Variants in DNAH11 observed in about 807,000 individuals in gnomAD.
DNAH11 encodes the protein dynein axonemal heavy chain 11.
In DNAH11, 442 loss-of-function variants were observed where a neutral mutation model predicts 526.0. The ratio of observed to expected loss-of-function variants is 0.84; its 90% confidence interval spans 0.78 to 0.91. DNAH11 has a LOEUF of 0.91. Among genes scored for constraint, DNAH11 ranks in the 40% least tolerant of loss-of-function variants. The pLI, the probability that DNAH11 is intolerant of heterozygous loss-of-function variation, is 0.00. For synonymous variants in DNAH11, 2,461 were observed against 1,935.9 expected (o/e 1.27, Z -7.12); for missense variants, 6,989 against 5,448.7 (o/e 1.28, Z -8.90).
chr7:21,567,660 C>G (rs954248836), intron 6 of DNAH11, among the ~76,000 whole-genome samples: 1 of 152,072 alleles, frequency 6.6e-6, no homozygotes, highest in Non-Finnish European at 1.5e-5. Flanking sequence ...TGTTCACTGT[C>G]CTTTCTGATC....
intron 45 of DNAH11, among the ~76,000 whole-genome samples, chr7:21,729,704 A>G (rs1785288873): frequency 1.8e-5 from 1 of 54,264 alleles, no homozygotes; most frequent in African/African-American, 5.7e-5. Context: ...GTCAAGTAAC[A>G]CTGAGGTCTC....
At chr7:21,751,550 G>C (rs145643845) in intron 54 of DNAH11, among the ~76,000 whole-genome samples, 3 of 152,272 alleles carry the variant, frequency 2.0e-5, no homozygotes, top group East Asian at 3.9e-4. Context: ...TGGAAACTAG[G>C]AAAGCTGCTA....
At chr7:21,634,902 G>A (rs978128426) in intron 25 of DNAH11, among the ~76,000 whole-genome samples, 175 of 152,248 alleles carry the variant, frequency 1.1e-3, no homozygotes, top group African/African-American at 4.1e-3. Context: ...TGATAGAAGC[G>A]TTTCAGACAT....
intron 49 of DNAH11, among the ~76,000 whole-genome samples, chr7:21,742,533 T>C (rs2965358): frequency 0.057 from 8,678 of 152,164 alleles, 335 homozygotes; most frequent in African/African-American, 0.11. Context: ...GTGCTAACCA[T>C]TGATGAAGGA....
chr7:21,807,003 A>G (rs1402889708), intron 62 of DNAH11, among the ~76,000 whole-genome samples: 1 of 152,186 alleles, frequency 6.6e-6, no homozygotes, highest in African/African-American at 2.4e-5. Context: ...GTAACTACCA[A>G]TGCTACTCTT....
chr7:21,589,297 A>G lies in DNAH11; in HGVS notation c.2063A>G (p.Asn688Ser). 1 of 1,610,616 alleles carries G rather than the reference A, an allele frequency of 6.2e-7. No homozygotes were observed. Among genetic ancestry groups the G allele is most frequent in the South Asian group, 1.1e-5 (1 of 90,152 alleles). ...GATCAATTTGAAAGTCGTATCTATAATGAATGGAAAAGTAATGTGGATGAA... is the reference window on the plus strand; with the variant it reads ...GATCAATTTGAAAGTCGTATCTATAGTGAATGGAAAAGTAATGTGGATGAA... The part of the protein sequence containing the change: ...LLDQFESRIY[N>S]EWKSNVDEIC... The change falls in exon 12 of 82, where the codon AAT becomes AGT. Residue 688 changes from asparagine to serine, a missense_variant. Asn to Ser is a conservative substitution (Grantham distance 46, BLOSUM62 1). Coordinates refer to ENST00000409508, the MANE Select transcript of DNAH11 (RefSeq NM_001277115.2).
At chr7:21,654,573 C>G (rs1417021291) in intron 28 of DNAH11, among the ~76,000 whole-genome samples, 2 of 152,094 alleles carry the variant, frequency 1.3e-5, no homozygotes, top group African/African-American at 4.8e-5. Context: ...TGTTTGAGTT[C>G]CTATTTTCAA....
intron 30 of DNAH11, among the ~76,000 whole-genome samples, chr7:21,672,586 C>A (rs1782686313): frequency 6.6e-6 from 1 of 152,220 alleles, no homozygotes; most frequent in East Asian, 1.9e-4. Flanking sequence ...CAAATCTGAC[C>A]TCCAGATCTC....
At chr7:21,720,941 C>A (rs1784853008) in intron 44 of DNAH11, 85 bp downstream of exon 44, 2 of 1,502,402 alleles carry the variant, frequency 1.3e-6, no homozygotes, top group South Asian at 1.3e-5. Flanking sequence ...TGATCTGTAC[C>A]TTTTTGTTAT....
At chr7:21,656,720 G>A (rs1296096642) in intron 29 of DNAH11, among the ~76,000 whole-genome samples, 2 of 152,076 alleles carry the variant, frequency 1.3e-5, no homozygotes, top group African/African-American at 4.8e-5. Context: ...TTGGGGCAGG[G>A]GTTCCTGAAA....
At chr7:21,686,165 C>G (rs747592903) in intron 32 of DNAH11, among the ~76,000 whole-genome samples, 10 of 152,168 alleles carry the variant, frequency 6.6e-5, no homozygotes, top group Non-Finnish European at 1.3e-4. Flanking sequence ...ATAGTACTTT[C>G]AATTTTTTAA....
At chr7:21,748,862 G>C in intron 52 of DNAH11, 120 bp downstream of exon 52, 1 of 1,002,080 alleles carries the variant, frequency 1.0e-6, no homozygotes, top group Non-Finnish European at 1.4e-6. Flanking sequence ...CCAACCACGG[G>C]AGAGCGGGAG....
chr7:21,647,074 A>G (rs1284199156), intron 28 of DNAH11, among the ~76,000 whole-genome samples: 2 of 152,214 alleles, frequency 1.3e-5, no homozygotes, highest in Non-Finnish European at 2.9e-5. Flanking sequence ...GTGTTCAAAA[A>G]GTTAAGTGAG....
intron 61 of DNAH11, among the ~76,000 whole-genome samples, chr7:21,791,306 A>G (rs1195901383): frequency 6.6e-6 from 1 of 152,182 alleles, no homozygotes; most frequent in Admixed American, 6.5e-5. Flanking sequence ...TTGAGTGAAA[A>G]CAGCTTGATT....
chr7:21,830,428 GTGTC>G (rs371306033), intron 65 of DNAH11, among the ~76,000 whole-genome samples: 10 of 152,314 alleles, frequency 6.6e-5, no homozygotes, highest in African/African-American at 2.4e-4. Flanking sequence ...GCTCTGAACT[GTGTC>G]TGTTGTTTTT....
chr7:21,693,607 A>T (rs1249588298), intron 35 of DNAH11, among the ~76,000 whole-genome samples: 1 of 152,182 alleles, frequency 6.6e-6, no homozygotes, highest in Non-Finnish European at 1.5e-5. Context: ...TTTTTATTGG[A>T]ATCTTTTTAA....
chr7:21,677,922 ATTTG>A (rs1782966380), intron 30 of DNAH11, among the ~76,000 whole-genome samples: 1 of 152,106 alleles, frequency 6.6e-6, no homozygotes. Flanking sequence ...TAATCAGCCT[ATTTG>A]TTGCCGTTGA....
intron 65 of DNAH11, among the ~76,000 whole-genome samples, chr7:21,818,812 G>A (rs190135826): frequency 6.6e-6 from 1 of 152,210 alleles, no homozygotes; most frequent in East Asian, 1.9e-4. Flanking sequence ...ATTCGGAAAA[G>A]GAGAGTTCAT....
At chr7:21,591,112 T>C in intron 13 of DNAH11, 73 bp from the exon 14 acceptor site, 1 of 1,471,242 alleles carries the variant, frequency 6.8e-7, no homozygotes, top group Non-Finnish European at 9.0e-7. Context: ...CTATATGATA[T>C]TTTTACACCT....
Sources: gnomAD v4.1 joint callset for allele counts (sites outside exome capture counted in the v4.1 genomes callset) on GRCh38, gnomAD v4.1.1 for gene constraint, MANE v1.5 for transcripts, NCBI Gene and HGNC (gene_info 2026-07-23, HGNC 2026-07-21) for gene names.